SYNRG: variants seen among roughly 807,000 people sequenced by gnomAD.
SYNRG encodes the protein AP1 gamma subunit binding protein 1.
SYNRG carries 37 observed loss-of-function variants against 130.9 expected under a neutral mutation model. That is an observed-to-expected ratio of 0.28 (90% CI 0.22 to 0.37). The LOEUF (loss-of-function observed/expected upper bound fraction) is 0.37. SYNRG is among the 10% of genes least tolerant of loss of function. The pLI, the probability that SYNRG is intolerant of heterozygous loss-of-function variation, is 1.00. For synonymous variants in SYNRG, 539 were observed against 568.1 expected (o/e 0.95, Z 0.73); for missense variants, 1,338 against 1,588.9 (o/e 0.84, Z 2.68).
intron 11 of SYNRG, among the ~76,000 whole-genome samples, chr17:37,566,553 A>T (rs1415981278): frequency 2.7e-5 from 4 of 149,476 alleles, no homozygotes; most frequent in African/African-American, 9.9e-5. Flanking sequence ...TCACTTGTTT[A>T]TCTGCTGACC....
intron 2 of SYNRG, among the ~76,000 whole-genome samples, chr17:37,597,216 C>A (rs1050115057): frequency 1.3e-5 from 2 of 152,154 alleles, no homozygotes; most frequent in Admixed American, 1.3e-4. Context: ...TCTATCTCAG[C>A]GAGCCACCTC....
At position 37,577,585 on chromosome 17, in the gene SYNRG, T is replaced by C. The variant is rs370971879; in HGVS notation, c.618A>G (p.Val206=). ...PGPSLEEKFL[V]SCDISTSGQE... ...GCCCAGATGTACTTATATCACAAGATACTAGGAACTTCTCCTCCAAGGAAG... is the reference window on the plus strand; with the variant it reads ...GCCCAGATGTACTTATATCACAAGACACTAGGAACTTCTCCTCCAAGGAAG... The change falls in exon 7 of 22, where the codon GTA becomes GTG. Residue 206 remains valine, a synonymous_variant. Coordinates refer to ENST00000612223, the MANE Select transcript of SYNRG (RefSeq NM_007247.6). 1.4e-5 allele frequency: 23 copies of C among 1,613,948 alleles called. No homozygotes were observed. The highest frequency in any genetic ancestry group is 1.6e-4 in the Middle Eastern group (1 of 6,084).
At chr17:37,523,750 G>T (rs2055451000) in intron 19 of SYNRG, among the ~76,000 whole-genome samples, 1 of 152,194 alleles carries the variant, frequency 6.6e-6, no homozygotes, top group Non-Finnish European at 1.5e-5. Context: ...GTGGGTCAAG[G>T]TGGGGGGAGA....
rs745793333 is a variant in SYNRG, at chr17:37,596,354, T to C, written c.119-10A>G. 6 of 1,613,190 alleles carry C rather than the reference T, an allele frequency of 3.7e-6. No homozygotes were observed. The Admixed American group carries it at 1.0e-4, about 27-fold the overall frequency. ...ATCGGCATCAGGCCTGCTGAAAATATAAAGACATTATTAAAGTCAATGTGT... is the reference window on the plus strand; with the variant it reads ...ATCGGCATCAGGCCTGCTGAAAATACAAAGACATTATTAAAGTCAATGTGT... On this transcript the variant is annotated splice_polypyrimidine_tract_variant and intron_variant, in intron 2 of 21. Coordinates refer to ENST00000612223, the MANE Select transcript of SYNRG (RefSeq NM_007247.6).
intron 8 of SYNRG, among the ~76,000 whole-genome samples, chr17:37,575,507 CT>C (rs924309364): frequency 8.1e-5 from 12 of 147,412 alleles, no homozygotes; most frequent in African/African-American, 2.0e-4. Flanking sequence ...ATTTTCTTTT[CT>C]TTTTTTTTTC....
Position 37,580,510 on chromosome 17 carries a change from T to TGTGTGTGA in SYNRG, c.590-2898_590-2897insTCACACAC, listed in dbSNP as rs1384344164. 8.2e-4 allele frequency among the ~76,000 whole-genome samples: 105 copies of TGTGTGTGA among 127,710 alleles called. 1 individual carries two copies. Among genetic ancestry groups the TGTGTGTGA allele is most frequent in the African/African-American group, 3.8e-3 (104 of 27,458 alleles). 83.8% of individuals were successfully genotyped at this position (127,710 alleles called of 152,430 possible). ...GTGTGTGTGTGTGTGTGTGTGTGTG[T>TGTGTGTGA]GAGAGAGAGAGAGAGAGAGAGAGAG... is the stretch of plus-strand genomic sequence containing the variant. On this transcript the variant is annotated intron_variant, in intron 6 of 21. Coordinates refer to ENST00000612223, the MANE Select transcript of SYNRG (RefSeq NM_007247.6).
At chr17:37,530,113 G>A (rs1023620832) in intron 19 of SYNRG, among the ~76,000 whole-genome samples, 11 of 151,888 alleles carry the variant, frequency 7.2e-5, no homozygotes, top group Non-Finnish European at 1.2e-4. Flanking sequence ...TGCCAAAATC[G>A]ACCCACTCCC....
At position 37,570,771 on chromosome 17, in the gene SYNRG, T is replaced by A. The variant is rs577766121; in HGVS notation, c.1213A>T (p.Ile405Leu). ...LPTPVSQPTV[I>L]PSGPAGSMPL... Reference sequence around the variant, plus strand: ...ATGGAGCCCGCAGGACCTGAAGGTATCACAGTTGGCTGACTCACCGGTGTA... The same window carrying A: ...ATGGAGCCCGCAGGACCTGAAGGTAACACAGTTGGCTGACTCACCGGTGTA... The change falls in exon 10 of 22, where the codon ATA (isoleucine) becomes TTA (leucine). Residue 405 changes from isoleucine (I) to leucine (L), a missense_variant. Ile to Leu is a conservative substitution (Grantham distance 5). Transcript: ENST00000612223. 105 of 1,614,200 alleles carry A rather than the reference T, an allele frequency of 6.5e-5. 1 individual carries two copies. The South Asian group carries it at 1.1e-3, about 16-fold the overall frequency.
chr17:37,529,913 T>C, intron 19 of SYNRG: 1 of 1,453,556 alleles, frequency 6.9e-7, no homozygotes, highest in South Asian at 1.2e-5. Flanking sequence ...TTTCAAGTGT[T>C]AACTGCAGTA....
Position 37,546,649 on chromosome 17 carries a change from C to T in SYNRG, c.2609-4084G>A, listed in dbSNP as rs116365538. On this transcript the variant is annotated intron_variant, in intron 14 of 21. Coordinates refer to ENST00000612223, the MANE Select transcript of SYNRG (RefSeq NM_007247.6). ...GTTGGCTGCTACTACAGGACACAGA[C>T]GGCCAAGCTCATTCCCAGGGACATT... Among the ~76,000 whole-genome samples the T allele has an allele frequency of 6.4e-3, 972 of 152,278 alleles. 9 individuals carry two copies. Among genetic ancestry groups the T allele is most frequent in the Middle Eastern group, 0.037 (11 of 294 alleles).
intron 9 of SYNRG, 27 bp from the exon 10 acceptor site, chr17:37,570,912 T>G: frequency 6.2e-7 from 1 of 1,600,508 alleles, no homozygotes; most frequent in East Asian, 2.2e-5. Flanking sequence ...GAAAATGGAT[T>G]AGAGGATTGT....
In SYNRG at chr17:37,517,468, T is replaced by G. The variant is rs534831664; in HGVS notation, c.*1472A>C. On this transcript the variant is annotated 3_prime_UTR_variant, in exon 22 of 22. Transcript: ENST00000612223. ...CATCGGGAGCGAGTGAGAAAAGCCT[T>G]TCTCTCCTCGGTGCCTCTCTGTGCA... The G allele has an allele frequency of 6.6e-6, 1 of 151,760 alleles. No individual in the cohort carries two copies. The highest frequency in any genetic ancestry group is 1.5e-5 in the Non-Finnish European group (1 of 68,002). 9.4% of individuals were successfully genotyped at this position (151,760 alleles called of 1,614,324 possible).
intron 14 of SYNRG, among the ~76,000 whole-genome samples, chr17:37,543,549 G>A (rs2057977705): frequency 6.6e-6 from 1 of 152,176 alleles, no homozygotes; most frequent in South Asian, 2.1e-4. Context: ...TCAGTAAAAT[G>A]AGGAGAGGAG....
Position 37,515,898 on chromosome 17 carries a change from C to T in SYNRG, c.*3042G>A, listed in dbSNP as rs1397903159. ...ACACCTTTAAACAAATAAGACCCCC[C>T]CAAAACCCTTCAAATATGTATATGT... On this transcript the variant is annotated 3_prime_UTR_variant, in exon 22 of 22. Coordinates refer to ENST00000612223, the MANE Select transcript of SYNRG (RefSeq NM_007247.6). 2 of 152,142 alleles carry T rather than the reference C, an allele frequency of 1.3e-5. No individual in the cohort carries two copies. Among genetic ancestry groups the T allele is most frequent in the African/African-American group, 4.8e-5 (2 of 41,414 alleles). 9.4% of individuals were successfully genotyped at this position (152,142 alleles called of 1,614,324 possible).
intron 3 of SYNRG, among the ~76,000 whole-genome samples, chr17:37,593,167 C>A (rs1162099336): frequency 6.6e-6 from 1 of 152,094 alleles, no homozygotes; most frequent in Admixed American, 6.6e-5. Flanking sequence ...AATCCCAGCC[C>A]TTTGAGAGGC....
chr17:37,534,417 G>T (rs2056995505), intron 19 of SYNRG, among the ~76,000 whole-genome samples: 1 of 152,046 alleles, frequency 6.6e-6, no homozygotes, highest in South Asian at 2.1e-4. Context: ...TAGAGACGGA[G>T]TTTTGACATG....
chr17:37,532,671 C>CAA (rs56982337), intron 19 of SYNRG, among the ~76,000 whole-genome samples: 15,235 of 78,676 alleles, frequency 0.19, 1,561 homozygotes, highest in Middle Eastern at 0.27. Flanking sequence ...AGATCTGTCT[C>CAA]AAAAAAAAAA....
At position 37,519,071 on chromosome 17, in the gene SYNRG, C is replaced by T. The variant is rs1487744548; in HGVS notation, c.3814G>A (p.Ala1272Thr). 1 of 1,612,818 alleles carries T rather than the reference C, an allele frequency of 6.2e-7. No homozygotes were observed. The highest frequency in any genetic ancestry group is 8.5e-7 in the Non-Finnish European group (1 of 1,179,102). ...AAACTGTCTGTTTCTGAGTTGAATGCCTGCCAGAAATAAACAGAGATGTGG... is the reference window on the plus strand; with the variant it reads ...AAACTGTCTGTTTCTGAGTTGAATGTCTGCCAGAAATAAACAGAGATGTGG... ...EKPAEEHPKK[A>T]FNSETDSFKL... The change falls in exon 22 of 22, where the codon GCA (alanine) becomes ACA (threonine). Residue 1272 changes from alanine to threonine, a missense_variant and splice_region_variant. This residue lies in a region of SYNRG where 1,146 missense variants were observed against 1,342.3 expected (regional missense o/e 0.85). Coordinates refer to ENST00000612223, the MANE Select transcript of SYNRG (RefSeq NM_007247.6).
At chr17:37,539,741 C>G (rs922088548) in intron 16 of SYNRG, among the ~76,000 whole-genome samples, 1 of 152,198 alleles carries the variant, frequency 6.6e-6, no homozygotes, top group East Asian at 1.9e-4. Flanking sequence ...GAGCACAGGA[C>G]CTGTGAGTCT....
Sources: gnomAD v4.1 joint callset for allele counts (sites outside exome capture counted in the v4.1 genomes callset) on GRCh38, gnomAD v4.1.1 for gene constraint, gnomAD v4.1.1 regional missense constraint, MANE v1.5 for transcripts, NCBI Gene and HGNC (gene_info 2026-07-23, HGNC 2026-07-21) for gene names.